SEMA5B: variants seen among roughly 807,000 people sequenced by gnomAD.
The protein encoded by SEMA5B is semaphorin 5B.
In SEMA5B, 66 loss-of-function variants were observed where a neutral mutation model predicts 135.0. That is an observed-to-expected ratio of 0.49 (90% CI 0.40 to 0.60). SEMA5B has a LOEUF of 0.60. SEMA5B is among the 20% of genes least tolerant of loss of function. The pLI is 0.00. For missense variants in SEMA5B, 1,501 were observed against 1,566.3 expected, an observed-to-expected ratio of 0.96 and a Z score of 0.70; for synonymous variants, 690 against 639.5, an observed-to-expected ratio of 1.08 and a Z score of -1.19.
intron 6 of SEMA5B, 134 bp from the exon 7 acceptor site, chr3:122,928,749 C>T (rs1003152134): frequency 1.3e-5 from 10 of 770,286 alleles, no homozygotes; most frequent in African/African-American, 7.0e-5. Context: ...CCACCTGTCC[C>T]GACGTCCGGG....
chr3:122,931,938 T>A (rs1389940669), intron 5 of SEMA5B, among the ~76,000 whole-genome samples: 1 of 152,138 alleles, frequency 6.6e-6, no homozygotes. Context: ...CCAGAAAAAA[T>A]GACTAAGTTC....
intron 1 of SEMA5B, chr3:122,976,108 C>G (rs1380324383): frequency 2.5e-5 from 39 of 1,535,400 alleles, no homozygotes; most frequent in Non-Finnish European, 3.4e-5. Context: ...GCTTCCTCTG[C>G]TGACAGATGC....
At chr3:122,929,850 G>C (rs1361268635) in intron 5 of SEMA5B, among the ~76,000 whole-genome samples, 1 of 152,206 alleles carries the variant, frequency 6.6e-6, no homozygotes, top group Non-Finnish European at 1.5e-5. Flanking sequence ...CATGGCATTA[G>C]GAGAGGGCTG....
At chr3:122,974,037 A>G (rs1941221733) in intron 1 of SEMA5B, among the ~76,000 whole-genome samples, 1 of 152,186 alleles carries the variant, frequency 6.6e-6, no homozygotes. Context: ...ACACCCTGTC[A>G]GTGCCCAGAT....
At chr3:122,951,980 G>A (rs1192063730) in intron 2 of SEMA5B, among the ~76,000 whole-genome samples, 2 of 152,178 alleles carry the variant, frequency 1.3e-5, no homozygotes, top group Non-Finnish European at 2.9e-5. Flanking sequence ...AAGCCTCCAA[G>A]GAAATAACAG....
chr3:122,913,450 T>G (rs764795208), intron 16 of SEMA5B, 26 bp from the exon 17 acceptor site: 2 of 1,560,836 alleles, frequency 1.3e-6, no homozygotes, highest in African/African-American at 2.7e-5. Context: ...GAGGCAGCTT[T>G]AGAACCCCAC....
chr3:122,982,196 C>T (rs1941541015), intron 1 of SEMA5B, among the ~76,000 whole-genome samples: 2 of 152,368 alleles, frequency 1.3e-5, no homozygotes, highest in Non-Finnish European at 2.9e-5. Flanking sequence ...AACCCTTCCT[C>T]ATTTCCCATG....
chr3:122,927,719 G>A, intron 8 of SEMA5B, 71 bp downstream of exon 8: 1 of 1,147,752 alleles, frequency 8.7e-7, no homozygotes, highest in East Asian at 2.9e-5. Context: ...GAGGATGAAT[G>A]GGGGGCTCAG....
chr3:122,911,257 A>G (rs1560274383), intron 21 of SEMA5B: 2 of 1,271,410 alleles, frequency 1.6e-6, no homozygotes, highest in East Asian at 2.5e-5. Flanking sequence ...AGAGGTGGCA[A>G]CCAGAGGGTC....
At chr3:123,020,329 A>G (rs1348770790) in intron 1 of SEMA5B, among the ~76,000 whole-genome samples, 1 of 152,262 alleles carries the variant, frequency 6.6e-6, no homozygotes, top group African/African-American at 2.4e-5. Flanking sequence ...AAGGCTGGTT[A>G]CAAAAAGTAC....
chr3:122,989,688 C>T (rs1941814989), intron 1 of SEMA5B, among the ~76,000 whole-genome samples: 1 of 152,204 alleles, frequency 6.6e-6, no homozygotes, highest in South Asian at 2.1e-4. Context: ...GAGCATTACA[C>T]CCTAGAGGTT....
At chr3:122,952,565 C>T in intron 2 of SEMA5B, among the ~76,000 whole-genome samples, 1 of 152,212 alleles carries the variant, frequency 6.6e-6, no homozygotes, top group East Asian at 1.9e-4. Flanking sequence ...TTTAAAAGGC[C>T]TAGGGCAGTA....
chr3:123,016,876 C>A (rs1450338688), intron 1 of SEMA5B, among the ~76,000 whole-genome samples: 1 of 150,498 alleles, frequency 6.6e-6, no homozygotes, highest in Non-Finnish European at 1.5e-5. Flanking sequence ...GCCACTGTGC[C>A]TGGCCTCAGG....
chr3:122,973,322 G>A lies in SEMA5B; in HGVS notation c.-38-12021C>T, dbSNP rs143018728. On this transcript the variant is annotated intron_variant, in intron 1 of 22. Coordinates refer to ENST00000357599, the MANE Select transcript of SEMA5B (RefSeq NM_001031702.4). ...TGCCCTGAGGAGAGGCAGCCAATGA[G>A]CTGCTAACCCAGAGGACATAAGCTA... is the stretch of plus-strand genomic sequence containing the variant. Among the ~76,000 whole-genome samples, 41 of 152,350 alleles carry A rather than the reference G, an allele frequency of 2.7e-4. No individual in the cohort carries two copies. In the East Asian group the frequency reaches 7.1e-3, roughly 27 times the overall value.
Position 122,912,079 on chromosome 3 carries a change from G to C in SEMA5B, c.2897-10C>G. ...CAGGGCGACCAGCCTTCTGGGGATT[G>C]TGGGTAGGATGAGGTTAACTGCCCA... On this transcript the variant is annotated splice_polypyrimidine_tract_variant and intron_variant, in intron 19 of 22. Transcript: ENST00000357599. The C allele has an allele frequency of 6.2e-7, 1 of 1,606,834 alleles. No homozygotes were observed. The highest frequency in any genetic ancestry group is 8.5e-7 in the Non-Finnish European group (1 of 1,174,534).
chr3:122,936,407 C>T (rs1259300368), intron 5 of SEMA5B, among the ~76,000 whole-genome samples: 4 of 152,184 alleles, frequency 2.6e-5, no homozygotes, highest in African/African-American at 7.2e-5. Context: ...CAGATTTGAG[C>T]TTGGAGGACG....
intron 1 of SEMA5B, among the ~76,000 whole-genome samples, chr3:123,007,954 C>G (rs1159955967): frequency 6.6e-6 from 1 of 152,206 alleles, no homozygotes; most frequent in Non-Finnish European, 1.5e-5. Flanking sequence ...AGGAAAGACA[C>G]AGAAAATGTA....
intron 2 of SEMA5B, among the ~76,000 whole-genome samples, chr3:122,958,677 TG>T (rs1302038514): frequency 6.6e-6 from 1 of 152,154 alleles, no homozygotes; most frequent in East Asian, 1.9e-4. Flanking sequence ...TCTGGGGGAC[TG>T]GGGCCCAGAG....
At chr3:123,018,546 A>C (rs1037727530) in intron 1 of SEMA5B, among the ~76,000 whole-genome samples, 10 of 152,214 alleles carry the variant, frequency 6.6e-5, no homozygotes, top group African/African-American at 2.4e-4. Context: ...GCACAGAATG[A>C]CCAGGAAGAA....
Sources: gnomAD v4.1 joint callset for allele counts (sites outside exome capture counted in the v4.1 genomes callset) on GRCh38, gnomAD v4.1.1 for gene constraint, MANE v1.5 for transcripts, NCBI Gene and HGNC (gene_info 2026-07-23, HGNC 2026-07-21) for gene names.